Variants in FHAD1 observed in about 807,000 individuals in gnomAD.
FHAD1 encodes the protein forkhead associated phosphopeptide binding domain 1.
A neutral mutation model predicts 191.3 loss-of-function variants in FHAD1; 146 were observed. That is an observed-to-expected ratio of 0.76 (90% CI 0.67 to 0.88). FHAD1 has a LOEUF of 0.88. Among genes scored for constraint, FHAD1 ranks in the 40% least tolerant of loss-of-function variants. The pLI is 0.00. For missense variants in FHAD1, 1,635 were observed against 1,785.8 expected (o/e 0.92, Z 1.52); for synonymous variants, 616 against 672.3 (o/e 0.92, Z 1.29).
intron 1 of FHAD1, among the ~76,000 whole-genome samples, chr1:15,240,149 A>G (rs960101114): frequency 6.6e-6 from 1 of 152,170 alleles, no homozygotes; most frequent in Non-Finnish European, 1.5e-5. Flanking sequence ...TTGAGAGTCT[A>G]CTGGGGGTCC....
chr1:15,253,980 C>G (rs1050914905), intron 2 of FHAD1, among the ~76,000 whole-genome samples: 1 of 152,012 alleles, frequency 6.6e-6, no homozygotes, highest in African/African-American at 2.4e-5. Context: ...AGAACATTCC[C>G]CCTGCATTTC....
intron 2 of FHAD1, among the ~76,000 whole-genome samples, chr1:15,266,587 G>A (rs1193772598): frequency 6.6e-6 from 1 of 152,024 alleles, no homozygotes; most frequent in Non-Finnish European, 1.5e-5. Context: ...ATATTCATAT[G>A]TTATTATTAA....
In FHAD1 at chr1:15,329,448, G is replaced by A. The variant is rs56017972; in HGVS notation, c.1813G>A (p.Val605Met). ...SPPVSGLQKVVLDVLRHALSW... is the reference protein window; with the variant it reads ...SPPVSGLQKVMLDVLRHALSW... The stretch of plus-strand genomic sequence containing the variant: ...ACCTGTCTCGGGGCTCCAGAAGGTG[G>A]TGCTGGACGTCCTGAGGCACGCGCT... Residue 605 changes from valine (V) to methionine (M), a missense_variant, in exon 14 of 34, where the codon GTG (valine) becomes ATG (methionine). Coordinates refer to ENST00000688493, the MANE Select transcript of FHAD1 (RefSeq NM_001391957.1). The surrounding 1 kb of genome is among the most constrained non-coding windows in gnomAD (Gnocchi z 5.0). 3,019 of 1,551,264 alleles carry A rather than the reference G, an allele frequency of 1.9e-3. 6 individuals are homozygous for A. Among genetic ancestry groups the A allele is most frequent in the Middle Eastern group, 4.2e-3 (25 of 5,990 alleles).
chr1:15,363,163 G>A (rs1316819794), intron 23 of FHAD1, among the ~76,000 whole-genome samples: 1 of 152,148 alleles, frequency 6.6e-6, no homozygotes, highest in Admixed American at 6.5e-5. Context: ...TTGCTGTTGG[G>A]GCTCTGCAGA....
chr1:15,397,223 CAAA>C, intron 33 of FHAD1, 71 bp from the exon 34 acceptor site: 2 of 653,032 alleles, frequency 3.1e-6, no homozygotes, highest in Admixed American at 6.9e-5. Flanking sequence ...TAAAAAATAA[CAAA>C]ACCACTTGAG....
Position 15,386,184 on chromosome 1 carries a change from A to G in FHAD1, c.4189-1867A>G, listed in dbSNP as rs1274755331. Reference sequence around the variant, plus strand: ...ACAGGACCTGCTTCGTGGGGTGGTTAAATGGTGTGATGCCAGCAGAGCCTG... The same window carrying G: ...ACAGGACCTGCTTCGTGGGGTGGTTGAATGGTGTGATGCCAGCAGAGCCTG... On this transcript the variant is annotated intron_variant, in intron 31 of 33. Coordinates refer to ENST00000688493, the MANE Select transcript of FHAD1 (RefSeq NM_001391957.1). Among the ~76,000 whole-genome samples, 4 of 152,218 alleles carry G rather than the reference A, an allele frequency of 2.6e-5. No individual in the cohort carries two copies. The East Asian group carries it at 7.7e-4, about 29-fold the overall frequency.
chr1:15,315,204 G>A (rs542973181), intron 8 of FHAD1: 2 of 152,066 alleles, frequency 1.3e-5, no homozygotes, highest in Non-Finnish European at 2.9e-5. Context: ...AAACTGGAGA[G>A]CAAAATTAAA....
At chr1:15,357,795 C>A in intron 20 of FHAD1, 1 of 218,266 alleles carries the variant, frequency 4.6e-6, no homozygotes, top group Non-Finnish European at 8.8e-6. Context: ...GATTTAGAGA[C>A]AGACATGACA....
chr1:15,243,677 A>G (rs571688259), upstream of FHAD1, among the ~76,000 whole-genome samples: 2 of 152,364 alleles, frequency 1.3e-5, no homozygotes, highest in East Asian at 3.9e-4. Flanking sequence ...GCCCAATGTC[A>G]GCAGGTAATG....
intron 2 of FHAD1, among the ~76,000 whole-genome samples, chr1:15,253,192 AAGAGAG>A (rs5772632): frequency 2.1e-5 from 3 of 144,690 alleles, no homozygotes; most frequent in African/African-American, 2.7e-5. Flanking sequence ...GTGTCAGAGA[AAGAGAG>A]AGAGAGGACA....
At position 15,327,894 on chromosome 1, in the gene FHAD1, A is replaced by C. The variant is rs1412217253; in HGVS notation, c.1558-383A>C. The C allele has an allele frequency of 6.5e-6, 1 of 153,102 alleles. No homozygotes were observed. The highest frequency in any genetic ancestry group is 1.5e-5 in the Non-Finnish European group (1 of 68,776). The allele number at this position is 153,102 out of a possible 1,614,324, so 9.5% of individuals were successfully genotyped here. ...ATTAAAAATACAAAATTAGCCGGGC[A>C]TGGTGGCGCGTGCCTGTAATCTCAG... On this transcript the variant is annotated intron_variant, in intron 12 of 33. Coordinates refer to ENST00000688493, the MANE Select transcript of FHAD1 (RefSeq NM_001391957.1). This position sits in a 1 kb window ranked among gnomAD's most constrained non-coding sequence, Gnocchi z 5.1.
At chr1:15,336,634 T>A (rs1684226915) in intron 14 of FHAD1, among the ~76,000 whole-genome samples, 1 of 152,362 alleles carries the variant, frequency 6.6e-6, no homozygotes, top group South Asian at 2.1e-4. Flanking sequence ...CATTCTTCTC[T>A]GGAATCCATC....
In FHAD1 at chr1:15,272,540, G is replaced by C; in HGVS notation, c.300+11G>C. 1 of 1,538,092 alleles carries C rather than the reference G, an allele frequency of 6.5e-7. No individual in the cohort carries two copies. ...GAAAATCCACCTCCGGTGAGTCCGG[G>C]CCACTGGGGGATAGAGGGGCCATGT... On this transcript the variant is annotated intron_variant, in intron 3 of 33. Coordinates refer to ENST00000688493, the MANE Select transcript of FHAD1 (RefSeq NM_001391957.1).
At chr1:15,335,019 C>A (rs1402809639) in intron 14 of FHAD1, among the ~76,000 whole-genome samples, 1 of 152,186 alleles carries the variant, frequency 6.6e-6, no homozygotes, top group Non-Finnish European at 1.5e-5. Context: ...TTTAGAACAT[C>A]CTCCTAAGAG....
chr1:15,296,794 G>A lies in FHAD1; in HGVS notation c.678+1G>A. 1 of 1,550,706 alleles carries A rather than the reference G, an allele frequency of 6.4e-7. No individual in the cohort carries two copies. The highest frequency in any genetic ancestry group is 1.2e-5 in the South Asian group (1 of 84,028). On this transcript the variant is annotated splice_donor_variant, in intron 5 of 33. Coordinates refer to ENST00000688493, the MANE Select transcript of FHAD1 (RefSeq NM_001391957.1). LOFTEE classifies it high-confidence loss of function. The stretch of plus-strand genomic sequence containing the variant: ...GGAGGACTTGGCCCAGCAGGACAAG[G>A]TGAGGGAGGGGTCTGGGGAAGGGTG...
chr1:15,252,308 AG>A (rs1646879913), intron 2 of FHAD1, among the ~76,000 whole-genome samples: 1 of 152,210 alleles, frequency 6.6e-6, no homozygotes, highest in African/African-American at 2.4e-5. Context: ...GACAGAGAGC[AG>A]CAGCTCAGGG....
chr1:15,368,409 TA>T (rs1358263203), intron 25 of FHAD1, among the ~76,000 whole-genome samples: 3 of 152,200 alleles, frequency 2.0e-5, no homozygotes, highest in Admixed American at 2.0e-4. Flanking sequence ...GGTGTCAGCT[TA>T]AAATACATAC....
intron 6 of FHAD1, among the ~76,000 whole-genome samples, chr1:15,302,532 T>G (rs542710863): frequency 6.0e-4 from 92 of 152,296 alleles, no homozygotes; most frequent in Non-Finnish European, 7.8e-4. Context: ...AAGACCATCC[T>G]GGCTAACACA....
At position 15,360,467 on chromosome 1, in the gene FHAD1, C is replaced by CT; in HGVS notation, c.2737-10dup. Reference sequence around the variant, plus strand: ...TCCCAAGACCTCACTGAGTGACTCTCTGTTTCCCAGATCATGGTGGAAGAG... The same window carrying CT: ...TCCCAAGACCTCACTGAGTGACTCTCTTGTTTCCCAGATCATGGTGGAAGAG... On this transcript the variant is annotated splice_polypyrimidine_tract_variant and intron_variant, in intron 21 of 33. Transcript: ENST00000688493. 1 of 1,549,960 alleles carries CT rather than the reference C, an allele frequency of 6.5e-7. No homozygotes were observed. The highest frequency in any genetic ancestry group is 8.7e-7 in the Non-Finnish European group (1 of 1,146,200).
Sources: gnomAD v4.1 joint callset for allele counts (sites outside exome capture counted in the v4.1 genomes callset) on GRCh38, gnomAD v4.1.1 for gene constraint, Gnocchi (gnomAD v3.1) non-coding constraint, MANE v1.5 for transcripts, NCBI Gene and HGNC (gene_info 2026-07-23, HGNC 2026-07-21) for gene names.